The following AGMO variants were observed in gnomAD, a reference collection of about 807,000 sequenced individuals.
The protein encoded by AGMO is glyceryl-ether monooxygenase.
Under a neutral mutation model 60.2 loss-of-function variants are expected in AGMO, and 75 were observed. The ratio of observed to expected loss-of-function variants is 1.25; its 90% CI spans 1.03 to 1.51. The LOEUF (loss-of-function observed/expected upper bound fraction) is 1.51, where lower values mean the gene tolerates loss of function less well. AGMO is among the 40% of genes most tolerant of loss of function. The pLI is 0.00. For synonymous variants in AGMO, 261 were observed against 177.1 expected (o/e 1.47, Z -3.76); for missense variants, 763 against 525.5 (o/e 1.45, Z -4.42).
At chr7:15,558,314 A>G (rs755773866) in intron 2 of AGMO, among the ~76,000 whole-genome samples, 3 of 152,062 alleles carry the variant, frequency 2.0e-5, no homozygotes, top group Non-Finnish European at 4.4e-5. Context: ...ATTCCAATTC[A>G]GTAAAATATA....
chr7:15,534,619 A>T (rs1784443909), intron 3 of AGMO, among the ~76,000 whole-genome samples: 1 of 151,966 alleles, frequency 6.6e-6, no homozygotes, highest in Non-Finnish European at 1.5e-5. Flanking sequence ...AGACAAAGAT[A>T]ATTCCATTAC....
intron 12 of AGMO, among the ~76,000 whole-genome samples, chr7:15,328,120 T>C (rs1170327549): frequency 2.6e-5 from 4 of 151,816 alleles, no homozygotes; most frequent in South Asian, 4.2e-4. Context: ...TTATTTTTTT[T>C]CCAAAGTCTC....
intron 3 of AGMO, among the ~76,000 whole-genome samples, chr7:15,488,430 T>C (rs1782977428): frequency 6.6e-6 from 1 of 152,204 alleles, no homozygotes; most frequent in Non-Finnish European, 1.5e-5. Flanking sequence ...TAATATTCTT[T>C]ATGTTAATGG....
the AGMO span, among the ~76,000 whole-genome samples, chr7:15,141,052 T>C: frequency 6.6e-6 from 1 of 152,140 alleles, no homozygotes; most frequent in Non-Finnish European, 1.5e-5. Context: ...CCAATTTATC[T>C]ACCTTCTAGG....
chr7:15,275,360 C>G lies in AGMO; in HGVS notation c.1264-74001G>C, dbSNP rs182741261. Among the ~76,000 whole-genome samples, 234 of 152,120 alleles carry G rather than the reference C, an allele frequency of 1.5e-3. 1 individual carries two copies. Among genetic ancestry groups the G allele is most frequent in the African/African-American group, 5.2e-3 (217 of 41,530 alleles). Reference sequence around the variant, plus strand: ...ATTTGTGTAGTTTTAAGAGTTCATACTGGTATTGATTTCTAATTTTATTCC... The same window carrying G: ...ATTTGTGTAGTTTTAAGAGTTCATAGTGGTATTGATTTCTAATTTTATTCC... On this transcript the variant is annotated intron_variant, in intron 12 of 12. Coordinates refer to ENST00000342526, the MANE Select transcript of AGMO (RefSeq NM_001004320.2).
intron 12 of AGMO, among the ~76,000 whole-genome samples, chr7:15,272,992 T>G (rs1158325909): frequency 2.6e-5 from 4 of 151,922 alleles, no homozygotes; most frequent in Non-Finnish European, 4.4e-5. Flanking sequence ...GTTTTTTTCT[T>G]GTAAATTTGG....
intron 5 of AGMO, among the ~76,000 whole-genome samples, chr7:15,400,792 A>C (rs1188627158): frequency 6.6e-6 from 1 of 152,236 alleles, no homozygotes; most frequent in Non-Finnish European, 1.5e-5. Context: ...AAGGTGATTA[A>C]ATTCTGGTGA....
intron 12 of AGMO, among the ~76,000 whole-genome samples, chr7:15,304,354 G>A (rs994527849): frequency 6.6e-6 from 1 of 152,046 alleles, no homozygotes; most frequent in African/African-American, 2.4e-5. Context: ...AGCGTACCCA[G>A]CAAACAGCTG....
chr7:15,153,771 A>C, the AGMO span, among the ~76,000 whole-genome samples: 3 of 152,078 alleles, frequency 2.0e-5, no homozygotes, highest in Non-Finnish European at 4.4e-5. Context: ...CGGGTAATGT[A>C]ATGCCTCCAG....
chr7:15,479,755 G>A (rs1264796061), intron 3 of AGMO, among the ~76,000 whole-genome samples: 8 of 152,166 alleles, frequency 5.3e-5, no homozygotes, highest in Non-Finnish European at 4.4e-5. Flanking sequence ...ATACAAAACT[G>A]AAGAGGACAT....
At chr7:15,202,458 CAAAAAAAA>C (rs71004370) in intron 12 of AGMO, among the ~76,000 whole-genome samples, 40 of 45,368 alleles carry the variant, frequency 8.8e-4, no homozygotes, top group African/African-American at 2.1e-3. Flanking sequence ...TACAAATGAG[CAAAAAAAA>C]AAAAAAAAAA....
chr7:15,285,243 G>A (rs1186695227), intron 12 of AGMO, among the ~76,000 whole-genome samples: 1 of 150,246 alleles, frequency 6.7e-6, no homozygotes, highest in African/African-American at 2.4e-5. Context: ...TCAGACAGGA[G>A]AAAGAAATAA....
At chr7:15,539,940 A>G (rs543422433) in intron 3 of AGMO, among the ~76,000 whole-genome samples, 1 of 152,294 alleles carries the variant, frequency 6.6e-6, no homozygotes, top group African/African-American at 2.4e-5. Flanking sequence ...TCTATGTAAT[A>G]TATGAGGAGG....
At chr7:15,283,324 C>T (rs1361625410) in intron 12 of AGMO, among the ~76,000 whole-genome samples, 1 of 152,022 alleles carries the variant, frequency 6.6e-6, no homozygotes, top group African/African-American at 2.4e-5. Flanking sequence ...CAAATATGTG[C>T]TGTCTTCAAG....
At chr7:15,191,050 C>T in the AGMO span, among the ~76,000 whole-genome samples, 3 of 152,054 alleles carry the variant, frequency 2.0e-5, no homozygotes, top group African/African-American at 7.2e-5. Context: ...TAATGGATTA[C>T]TTACTATATG....
At chr7:15,189,840 TAAA>T in the AGMO span, among the ~76,000 whole-genome samples, 151 of 150,806 alleles carry the variant, frequency 1.0e-3, no homozygotes, top group African/African-American at 3.5e-3. Flanking sequence ...ACTATCAGCT[TAAA>T]AATTCAACAA....
At chr7:15,273,788 T>C (rs1348249392) in intron 12 of AGMO, among the ~76,000 whole-genome samples, 3 of 152,176 alleles carry the variant, frequency 2.0e-5, no homozygotes, top group African/African-American at 7.2e-5. Context: ...TGTGTCCTCT[T>C]TTATTTTGTT....
At chr7:15,475,677 A>C (rs952960884) in intron 3 of AGMO, among the ~76,000 whole-genome samples, 11 of 152,086 alleles carry the variant, frequency 7.2e-5, no homozygotes, top group African/African-American at 2.7e-4. Flanking sequence ...CCCAGAACTT[A>C]AAGTATAATT....
At chr7:15,135,979 C>CTTTTTTTTTTTTTTTTTTTTTGTTTTT in the AGMO span, among the ~76,000 whole-genome samples, 2 of 106,866 alleles carry the variant, frequency 1.9e-5, no homozygotes, top group Admixed American at 1.2e-4. Context: ...TTTTTCTTTT[C>CTTTTTTTTTTTTTTTTTTTTTGTTTTT]TTTTTTTTTT....
Sources: allele counts gnomAD v4.1 joint callset (sites outside exome capture counted in the v4.1 genomes callset), GRCh38; gene constraint gnomAD v4.1.1; transcripts MANE v1.5; gene names NCBI Gene and HGNC (gene_info 2026-07-23, HGNC 2026-07-21).